The following CLASP1 variants were observed in gnomAD, a reference collection of about 807,000 sequenced individuals.
The protein encoded by CLASP1 is CLIP-associating protein 1.
In CLASP1, 38 loss-of-function variants were observed where a neutral mutation model predicts 192.3. The ratio of observed to expected loss-of-function variants is 0.20; its 90% confidence interval spans 0.15 to 0.26. CLASP1 has a LOEUF of 0.26. Ranked by LOEUF, CLASP1 falls within the 10% of genes least tolerant of loss-of-function variation. CLASP1 has a pLI of 1.00. For missense variants in CLASP1, 1,433 were observed against 1,932.5 expected (o/e 0.74, Z 4.85); for synonymous variants, 691 against 712.8 (o/e 0.97, Z 0.49).
At chr2:121,362,308 T>C (rs1158603484) in intron 37 of CLASP1, among the ~76,000 whole-genome samples, 1 of 152,200 alleles carries the variant, frequency 6.6e-6, no homozygotes, top group Non-Finnish European at 1.5e-5. Context: ...CACCTCCCCA[T>C]TCTCTGTAGG....
At chr2:121,514,520 A>C (rs141815752) in intron 7 of CLASP1, among the ~76,000 whole-genome samples, 30 of 152,312 alleles carry the variant, frequency 2.0e-4, no homozygotes, top group Admixed American at 9.1e-4. Flanking sequence ...AAAAAAAACA[A>C]AACAAAAAAA....
rs1408966560 is a variant in CLASP1 at position 121,358,120 on chromosome 2, A to C, written c.4206+5052T>G. 2.6e-5 allele frequency among the ~76,000 whole-genome samples: 4 copies of C among 152,336 alleles called. No individual in the cohort carries two copies. In the East Asian group the frequency reaches 7.7e-4, roughly 29 times the overall value. On this transcript the variant is annotated intron_variant, in intron 37 of 39. Coordinates refer to ENST00000263710, the Ensembl canonical transcript of CLASP1. ...CTGTTAGTATGACTGCTGGCTCAGTAACTTGGAATCTCTCAATGAAGCTAA... is the reference window on the plus strand; with the variant it reads ...CTGTTAGTATGACTGCTGGCTCAGTCACTTGGAATCTCTCAATGAAGCTAA...
intron 16 of CLASP1, among the ~76,000 whole-genome samples, chr2:121,450,693 G>A (rs768533065): frequency 1.3e-5 from 2 of 152,190 alleles, no homozygotes; most frequent in Non-Finnish European, 2.9e-5. Flanking sequence ...TGTAAAAAAC[G>A]AGCATTCTTT....
chr2:121,565,958 G>C (rs1265850146), intron 2 of CLASP1, among the ~76,000 whole-genome samples: 1 of 152,196 alleles, frequency 6.6e-6, no homozygotes, highest in East Asian at 1.9e-4. Flanking sequence ...AAAAGCACAA[G>C]TGAACTTTCT....
At chr2:121,399,466 G>A (rs1239123743) in intron 28 of CLASP1, among the ~76,000 whole-genome samples, 1 of 152,134 alleles carries the variant, frequency 6.6e-6, no homozygotes, top group African/African-American at 2.4e-5. Context: ...TAATGGGTGT[G>A]TATAATCGGG....
intron 38 of CLASP1, 127 bp from the exon 40 acceptor site, chr2:121,347,281 T>G: frequency 1.5e-6 from 1 of 658,074 alleles, no homozygotes; most frequent in East Asian, 2.8e-5. Flanking sequence ...ACAACCAGGA[T>G]AGACCTCAGC....
chr2:121,455,701 A>C (rs138798817), intron 14 of CLASP1, among the ~76,000 whole-genome samples: 1 of 152,248 alleles, frequency 6.6e-6, no homozygotes, highest in African/African-American at 2.4e-5. Context: ...CTCTACAAAA[A>C]ATTTAAAACT....
At chr2:121,563,332 G>A (rs2059251123) in intron 2 of CLASP1, among the ~76,000 whole-genome samples, 1 of 152,216 alleles carries the variant, frequency 6.6e-6, no homozygotes, top group Non-Finnish European at 1.5e-5. Flanking sequence ...AAAAGGAGAT[G>A]TATAAAGCAA....
intron 2 of CLASP1, among the ~76,000 whole-genome samples, chr2:121,582,847 C>T (rs1439191512): frequency 6.6e-6 from 1 of 151,122 alleles, no homozygotes; most frequent in Non-Finnish European, 1.5e-5. Context: ...TACAGTGGCG[C>T]GATCTCAGCT....
chr2:121,427,378 A>C (rs2080606869), intron 21 of CLASP1, 26 bp downstream of exon 21: 2 of 1,611,842 alleles, frequency 1.2e-6, no homozygotes, highest in African/African-American at 2.7e-5. Context: ...CAACAACAAA[A>C]AAAGGCAAGA....
chr2:121,418,636 C>T, exon 23 of CLASP1: 1 of 1,613,504 alleles, frequency 6.2e-7, no homozygotes, highest in Non-Finnish European at 8.5e-7. Context: ...TGGAGGAAAG[C>T]CCCGAGCAGG....
At chr2:121,610,399 G>T (rs2065112155) in intron 1 of CLASP1, among the ~76,000 whole-genome samples, 1 of 150,204 alleles carries the variant, frequency 6.7e-6, no homozygotes, top group Admixed American at 6.6e-5. Flanking sequence ...GGAGGAGGAG[G>T]AGTTACAGGA....
At chr2:121,362,058 ACT>A (rs1267217866) in intron 37 of CLASP1, among the ~76,000 whole-genome samples, 1 of 152,086 alleles carries the variant, frequency 6.6e-6, no homozygotes, top group East Asian at 1.9e-4. Context: ...CTAGGGTCTG[ACT>A]CTCTATGTAG....
chr2:121,352,507 TACCCC>T (rs1558833467), intron 37 of CLASP1, among the ~76,000 whole-genome samples: 4 of 152,352 alleles, frequency 2.6e-5, no homozygotes, highest in African/African-American at 9.6e-5. Context: ...TTCACTTTTT[TACCCC>T]GACAAAGGCA....
intron 26 of CLASP1, 68 bp from the exon 28 acceptor site, chr2:121,401,938 TA>T: frequency 1.6e-6 from 1 of 610,378 alleles, no homozygotes; most frequent in Non-Finnish European, 3.1e-6. Flanking sequence ...GGCAGTGAAT[TA>T]ATACCATTTT....
intron 6 of CLASP1, among the ~76,000 whole-genome samples, chr2:121,522,944 A>T (rs2104591723): frequency 6.6e-6 from 1 of 152,344 alleles, no homozygotes; most frequent in East Asian, 1.9e-4. Context: ...TGAGGAGACT[A>T]CTGAGTAACT....
intron 8 of CLASP1, among the ~76,000 whole-genome samples, chr2:121,501,332 C>T (rs999842992): frequency 6.6e-6 from 1 of 152,198 alleles, no homozygotes; most frequent in African/African-American, 2.4e-5. Flanking sequence ...CCTGTGAAGA[C>T]CTGCCTGTGG....
chr2:121,377,239 G>C (rs572717561), intron 34 of CLASP1, among the ~76,000 whole-genome samples: 1 of 152,266 alleles, frequency 6.6e-6, no homozygotes, highest in Non-Finnish European at 1.5e-5. Context: ...CCAACATAAA[G>C]AAATGATAAA....
chr2:121,604,407 G>A (rs1400620421), intron 2 of CLASP1, among the ~76,000 whole-genome samples: 3 of 152,238 alleles, frequency 2.0e-5, no homozygotes, highest in Non-Finnish European at 2.9e-5. Context: ...GGTGGCACAC[G>A]CCTGTAATCC....
Sources: allele counts gnomAD v4.1 joint callset (sites outside exome capture counted in the v4.1 genomes callset), GRCh38; gene constraint gnomAD v4.1.1; transcripts MANE v1.5; gene names NCBI Gene and HGNC (gene_info 2026-07-23, HGNC 2026-07-21).